Variants in NT5C3A observed in about 807,000 individuals in gnomAD.
NT5C3A encodes 5'-nucleotidase, cytosolic IIIA, also known as cytosolic 5'-nucleotidase 3A.
A neutral mutation model predicts 40.0 loss-of-function variants in NT5C3A; 23 were observed. That is an observed-to-expected ratio of 0.58 (90% CI 0.41 to 0.81). The LOEUF (loss-of-function observed/expected upper bound fraction) is 0.81. Among genes scored for constraint, NT5C3A ranks in the 40% least tolerant of loss-of-function variants. The pLI, the probability that NT5C3A is intolerant of heterozygous loss-of-function variation, is 0.00. For missense variants in NT5C3A, 328 were observed against 403.0 expected, an observed-to-expected ratio of 0.81 and a Z score of 1.59; for synonymous variants, 130 against 141.4, an observed-to-expected ratio of 0.92 and a Z score of 0.57.
In NT5C3A at chr7:33,014,502, CTTT is replaced by C. The variant is rs78675401; in HGVS notation, c.*225_*227del. 2.4e-3 allele frequency: 1,120 copies of C among 464,318 alleles called. No homozygotes were observed. The highest frequency in any genetic ancestry group is 6.1e-3 in the South Asian group (351 of 57,772). 28.8% of individuals were successfully genotyped at this position (464,318 alleles called of 1,614,324 possible). A position where few individuals can be genotyped will look rare whatever the true frequency, so the allele number is the denominator to read the frequency against. ...TAGGGAGTTATTTTTCTAATTTTAG[CTTT>C]TTTTTTTTTTTAAATGGGTTAAAAG... On this transcript the variant is annotated 3_prime_UTR_variant, in exon 9 of 9. Coordinates refer to ENST00000610140, the MANE Select transcript of NT5C3A (RefSeq NM_001002010.5).
chr7:33,020,182 C>G (rs1054585833), intron 5 of NT5C3A, among the ~76,000 whole-genome samples: 19 of 152,034 alleles, frequency 1.2e-4, no homozygotes, highest in Non-Finnish European at 2.6e-4. Context: ...TACAGATTAG[C>G]CTGCTTTATG....
At chr7:33,032,791 T>G (rs1342078300) in intron 1 of NT5C3A, among the ~76,000 whole-genome samples, 1 of 152,046 alleles carries the variant, frequency 6.6e-6, no homozygotes, top group Non-Finnish European at 1.5e-5. Context: ...TCTCACTCTG[T>G]CACCCAGGAT....
intron 3 of NT5C3A, among the ~76,000 whole-genome samples, chr7:33,022,347 C>G (rs1274191473): frequency 6.6e-6 from 1 of 152,210 alleles, no homozygotes; most frequent in Non-Finnish European, 1.5e-5. Flanking sequence ...TCGCTTACAT[C>G]ACTGAGATAG....
At chr7:33,035,249 A>G (rs1313401861) in intron 1 of NT5C3A, among the ~76,000 whole-genome samples, 1 of 134,614 alleles carries the variant, frequency 7.4e-6, no homozygotes, top group African/African-American at 2.8e-5. Context: ...GCTGGAGTGC[A>G]GTGGCGCAAT....
chr7:33,060,369 CTTTTTTTTTTTTTTTT>C (rs3082829), intron 1 of NT5C3A, among the ~76,000 whole-genome samples: 1 of 78,474 alleles, frequency 1.3e-5, no homozygotes, highest in South Asian at 5.2e-4. Context: ...TGCTTTCCTT[CTTTTTTTTTTTTTTTT>C]TTTTTTTTTT....
chr7:33,019,569 G>T, intron 6 of NT5C3A, 66 bp downstream of exon 6: 3 of 938,970 alleles, frequency 3.2e-6, no homozygotes, highest in South Asian at 2.6e-5. Context: ...AAGTACAACT[G>T]ACTACATAAA....
chr7:33,033,413 A>T (rs1786392817), intron 1 of NT5C3A, among the ~76,000 whole-genome samples: 1 of 152,230 alleles, frequency 6.6e-6, no homozygotes, highest in African/African-American at 2.4e-5. Flanking sequence ...CTGTTTCTAC[A>T]TTAAGATAGT....
At chr7:33,032,943 G>A (rs1207779858) in intron 1 of NT5C3A, among the ~76,000 whole-genome samples, 1 of 151,976 alleles carries the variant, frequency 6.6e-6, no homozygotes, top group Non-Finnish European at 1.5e-5. Flanking sequence ...TGTAGAGACG[G>A]GTCTCACTAT....
chr7:33,044,171 G>A (rs554228423), intron 1 of NT5C3A, among the ~76,000 whole-genome samples: 106 of 152,170 alleles, frequency 7.0e-4, no homozygotes, highest in Admixed American at 1.2e-3. Flanking sequence ...TGGGATTACA[G>A]GCATGCACCA....
At chr7:33,062,248 T>C (rs1787807719) in intron 1 of NT5C3A, among the ~76,000 whole-genome samples, 1 of 151,966 alleles carries the variant, frequency 6.6e-6, no homozygotes, top group Admixed American at 6.6e-5. Flanking sequence ...GAGAAACGGG[T>C]TTTGCAGCAC....
At chr7:33,021,708 A>G (rs1785639169) in intron 4 of NT5C3A, 2 of 400,068 alleles carry the variant, frequency 5.0e-6, no homozygotes, top group Non-Finnish European at 4.5e-6. Flanking sequence ...CGAAGTACTG[A>G]AGCAACTTCC....
intron 1 of NT5C3A, among the ~76,000 whole-genome samples, chr7:33,034,844 CAAT>C (rs751362432): frequency 6.6e-6 from 1 of 152,048 alleles, no homozygotes; most frequent in East Asian, 1.9e-4. Flanking sequence ...GGAGGCACAA[CAAT>C]AATAAGAACA....
chr7:33,053,678 A>G lies in NT5C3A; in HGVS notation c.138+8890T>C, dbSNP rs951885210. ...CCCATTTCTTAAAATAAATAAATAAATGACTGAAAGAAAGAAAGAAAGAAG... is the reference window on the plus strand; with the variant it reads ...CCCATTTCTTAAAATAAATAAATAAGTGACTGAAAGAAAGAAAGAAAGAAG... On this transcript the variant is annotated intron_variant, in intron 1 of 8. Transcript: ENST00000610140. Among the ~76,000 whole-genome samples, 14 of 151,488 alleles carry G rather than the reference A, an allele frequency of 9.2e-5. No individual in the cohort carries two copies. In the East Asian group the frequency reaches 2.6e-3, roughly 28 times the overall value.
Position 33,062,702 on chromosome 7 carries a change from C to T in NT5C3A, c.4G>A (p.Asp2Asn). Residue 2 changes from aspartate (D) to asparagine (N), a missense_variant, in exon 1 of 9, where the codon GAC (aspartate) becomes AAC (asparagine). Physicochemically the swap from Asp to Asn is conservative, Grantham distance 23. Coordinates refer to ENST00000610140, the MANE Select transcript of NT5C3A (RefSeq NM_001002010.5). ...CCCACCCTCGCCACGGCCGCGCGGTCCATGGACGGGGCCCTCATGCGCGTC... is the reference window on the plus strand; with the variant it reads ...CCCACCCTCGCCACGGCCGCGCGGTTCATGGACGGGGCCCTCATGCGCGTC... MDRAAVARVGAV... is the reference protein window; with the variant it reads MNRAAVARVGAV... The T allele has an allele frequency of 6.4e-7, 1 of 1,563,296 alleles. No homozygotes were observed. The highest frequency in any genetic ancestry group is 8.7e-7 in the Non-Finnish European group (1 of 1,154,604).
intron 1 of NT5C3A, among the ~76,000 whole-genome samples, chr7:33,031,942 T>C (rs1408388019): frequency 1.3e-5 from 2 of 151,966 alleles, no homozygotes; most frequent in East Asian, 1.9e-4. Context: ...CTGGCCAACA[T>C]AGTGAAACCC....
At position 33,014,489 on chromosome 7, in the gene NT5C3A, T is replaced by C. The variant is rs758807335; in HGVS notation, c.*241A>G. On this transcript the variant is annotated 3_prime_UTR_variant, in exon 9 of 9. Coordinates refer to ENST00000610140, the MANE Select transcript of NT5C3A (RefSeq NM_001002010.5). ...CACTTTGGAAAAGTAGGGAGTTATT[T>C]TTCTAATTTTAGCTTTTTTTTTTTT... is the stretch of plus-strand genomic sequence containing the variant. 2.1e-6 allele frequency: 1 copy of C among 476,240 alleles called. No individual in the cohort carries two copies. The highest frequency in any genetic ancestry group is 1.6e-5 in the South Asian group (1 of 62,220). 29.5% of individuals were successfully genotyped at this position (476,240 alleles called of 1,614,324 possible).
At chr7:33,046,290 A>C (rs1296195035) in intron 1 of NT5C3A, among the ~76,000 whole-genome samples, 1 of 152,148 alleles carries the variant, frequency 6.6e-6, no homozygotes, top group Non-Finnish European at 1.5e-5. Flanking sequence ...TAATCCCAGC[A>C]CCTTGGGAAG....
rs17471015 is a variant in NT5C3A, at chr7:33,033,524, G to A, written c.139-6609C>T. ...ATAAAATATAAATCTTACACTCAAG[G>A]TGCATATTCTCTAATGTGGATTAAA... On this transcript the variant is annotated intron_variant, in intron 1 of 8. Coordinates refer to ENST00000610140, the MANE Select transcript of NT5C3A (RefSeq NM_001002010.5). 3.6e-3 allele frequency among the ~76,000 whole-genome samples: 552 copies of A among 152,240 alleles called. 2 individuals carry two copies. The highest frequency in any genetic ancestry group is 6.6e-3 in the Non-Finnish European group (450 of 68,022).
intron 1 of NT5C3A, among the ~76,000 whole-genome samples, chr7:33,040,310 A>G (rs2128009449): frequency 6.6e-6 from 1 of 152,298 alleles, no homozygotes; most frequent in South Asian, 2.1e-4. Flanking sequence ...CTGTAATATA[A>G]ATTTTTGAAT....
Sources: allele counts gnomAD v4.1 joint callset (sites outside exome capture counted in the v4.1 genomes callset), GRCh38; gene constraint gnomAD v4.1.1; transcripts MANE v1.5; gene names NCBI Gene and HGNC (gene_info 2026-07-23, HGNC 2026-07-21).